FHIT: variants seen among roughly 807,000 people sequenced by gnomAD.
FHIT encodes the protein bis(5'-adenosyl)-triphosphatase.
In FHIT, 19 loss-of-function variants were observed where a neutral mutation model predicts 17.9. The observed-to-expected ratio is 1.06, with a 90% CI of 0.74 to 1.56. FHIT has a LOEUF of 1.56. Among genes scored for constraint, FHIT ranks in the 40% most tolerant of loss-of-function variants. FHIT has a pLI of 0.00. For missense variants in FHIT, 248 were observed against 189.2 expected (o/e 1.31, Z -1.82); for synonymous variants, 81 against 69.7 (o/e 1.16, Z -0.81).
intron 5 of FHIT, among the ~76,000 whole-genome samples, chr3:60,034,367 T>C (rs181565100): frequency 6.6e-6 from 1 of 152,310 alleles, no homozygotes; most frequent in Non-Finnish European, 1.5e-5. Flanking sequence ...AACACCACCT[T>C]TCCCTTTCAA....
chr3:60,893,410 A>G (rs1437741034), intron 3 of FHIT, among the ~76,000 whole-genome samples: 1 of 152,202 alleles, frequency 6.6e-6, no homozygotes, highest in South Asian at 2.1e-4. Context: ...GTCTTTTGTT[A>G]TAGAGCCCTA....
chr3:60,543,907 C>CTTTTTTTTTTTTTGTTTTTT (rs2036271067), intron 4 of FHIT, among the ~76,000 whole-genome samples: 1 of 52,076 alleles, frequency 1.9e-5, no homozygotes, highest in Non-Finnish European at 3.0e-5. Context: ...CCACGCCCGG[C>CTTTTTTTTTTTTTGTTTTTT]TTTTTTTTTT....
intron 3 of FHIT, among the ~76,000 whole-genome samples, chr3:60,927,686 G>A (rs1553770388): frequency 1.3e-5 from 2 of 151,624 alleles, no homozygotes; most frequent in South Asian, 4.2e-4. Flanking sequence ...CCGTCTGGGA[G>A]GTGGGGAGCA....
intron 8 of FHIT, among the ~76,000 whole-genome samples, chr3:59,768,892 A>G (rs921200994): frequency 2.6e-5 from 4 of 151,854 alleles, no homozygotes; most frequent in East Asian, 3.9e-4. Context: ...GCCTTCGCCA[A>G]TCTTAAAATG....
At chr3:60,055,375 C>T (rs1702039425) in intron 5 of FHIT, among the ~76,000 whole-genome samples, 1 of 152,028 alleles carries the variant, frequency 6.6e-6, no homozygotes, top group East Asian at 1.9e-4. Context: ...AAGAAATAAG[C>T]ACTCTACTAT....
intron 5 of FHIT, among the ~76,000 whole-genome samples, chr3:60,015,893 G>C (rs538014149): frequency 1.3e-5 from 2 of 152,144 alleles, no homozygotes; most frequent in South Asian, 4.2e-4. Context: ...TGTCAATTTT[G>C]CTTGTTTGCA....
At chr3:60,358,776 A>T (rs939748650) in intron 5 of FHIT, among the ~76,000 whole-genome samples, 2 of 152,250 alleles carry the variant, frequency 1.3e-5, no homozygotes, top group South Asian at 4.1e-4. Context: ...GAACTGGGTT[A>T]TAATCTGGCT....
At chr3:60,581,151 T>A (rs1553659571) in intron 4 of FHIT, among the ~76,000 whole-genome samples, 8 of 152,114 alleles carry the variant, frequency 5.3e-5, no homozygotes. Flanking sequence ...TTATTTCTAC[T>A]TTATGTATGT....
chr3:60,445,705 G>A (rs2107348821), intron 5 of FHIT, among the ~76,000 whole-genome samples: 1 of 151,194 alleles, frequency 6.6e-6, no homozygotes, highest in Middle Eastern at 3.4e-3. Flanking sequence ...TCCCCCTGTA[G>A]ACACACGATT....
chr3:59,804,668 G>A lies in FHIT; in HGVS notation c.349-52347C>T, dbSNP rs539663948. ...AAAGTTATGAAGTCATTTACTTGGCGTATGCCCTATGGAGAGGATAGCCCC... is the reference window on the plus strand; with the variant it reads ...AAAGTTATGAAGTCATTTACTTGGCATATGCCCTATGGAGAGGATAGCCCC... On this transcript the variant is annotated intron_variant, in intron 8 of 9. Coordinates refer to ENST00000492590, the MANE Select transcript of FHIT (RefSeq NM_002012.4). Among the ~76,000 whole-genome samples, 13 of 152,322 alleles carry A rather than the reference G, an allele frequency of 8.5e-5. No homozygotes were observed. The East Asian group carries it at 1.7e-3, about 20-fold the overall frequency.
chr3:60,009,186 T>C (rs1314404207), intron 7 of FHIT, among the ~76,000 whole-genome samples: 10 of 129,358 alleles, frequency 7.7e-5, no homozygotes, highest in African/African-American at 3.0e-4. Flanking sequence ...TGTGTGTGTG[T>C]GTGTGTGTGT....
chr3:60,176,721 C>G (rs554419207), intron 5 of FHIT, among the ~76,000 whole-genome samples: 1 of 152,262 alleles, frequency 6.6e-6, no homozygotes, highest in East Asian at 1.9e-4. Flanking sequence ...TCTTACAAAG[C>G]TGAGTATTGG....
intron 5 of FHIT, among the ~76,000 whole-genome samples, chr3:60,075,882 C>T (rs2107006417): frequency 6.6e-6 from 1 of 152,170 alleles, no homozygotes; most frequent in South Asian, 2.1e-4. Flanking sequence ...AATGATGTCC[C>T]TTTTTGATCT....
intron 8 of FHIT, among the ~76,000 whole-genome samples, chr3:59,764,863 AACACAC>A (rs57549363): frequency 0.03 from 4,383 of 145,406 alleles, 111 homozygotes; most frequent in Admixed American, 0.066. Context: ...GGCAACTGCA[AACACAC>A]ACACACACAC....
intron 4 of FHIT, among the ~76,000 whole-genome samples, chr3:60,783,993 C>T (rs1700478775): frequency 1.3e-5 from 2 of 152,300 alleles, no homozygotes; most frequent in East Asian, 1.9e-4. Flanking sequence ...AGACATATCA[C>T]CCCTGGCCTC....
chr3:61,066,180 A>G (rs1487288026), intron 2 of FHIT, among the ~76,000 whole-genome samples: 5 of 152,226 alleles, frequency 3.3e-5, no homozygotes, highest in Admixed American at 6.5e-5. Flanking sequence ...AATGACATTA[A>G]TTTATTCACG....
Position 59,922,378 on chromosome 3 carries a change from C to T in FHIT, c.316G>A (p.Asp106Asn). 6.2e-7 allele frequency: 1 copy of T among 1,613,994 alleles called. No homozygotes were observed. Among genetic ancestry groups the T allele is most frequent in the Non-Finnish European group, 8.5e-7 (1 of 1,179,966 alleles). ...TAGATGCTGTCATTCCTGTGAAAGT[C>T]TCCAGCCTTCCTGGGAAGAACATGG... is the stretch of plus-strand genomic sequence containing the variant. ...HVHVLPRKAG[D>N]FHRNDSIYEE... The change falls in exon 8 of 10, where the codon GAC becomes AAC. Residue 106 changes from aspartate to asparagine, a missense_variant. Coordinates refer to ENST00000492590, the MANE Select transcript of FHIT (RefSeq NM_002012.4).
chr3:59,791,998 T>G (rs1393621387), intron 8 of FHIT, among the ~76,000 whole-genome samples: 1 of 54,004 alleles, frequency 1.9e-5, no homozygotes, highest in Non-Finnish European at 5.6e-5. Context: ...ATGGCTATGG[T>G]AGTCTATGTC....
At chr3:59,999,580 C>T (rs1262963424) in intron 7 of FHIT, among the ~76,000 whole-genome samples, 1 of 152,034 alleles carries the variant, frequency 6.6e-6, no homozygotes, top group Admixed American at 6.6e-5. Context: ...TTCTGTTAGA[C>T]ATAGTAAAAA....
Sources: gnomAD v4.1 joint callset for allele counts (sites outside exome capture counted in the v4.1 genomes callset) on GRCh38, gnomAD v4.1.1 for gene constraint, MANE v1.5 for transcripts, NCBI Gene and HGNC (gene_info 2026-07-23, HGNC 2026-07-21) for gene names.